Variants in POLR2J observed in about 807,000 individuals in gnomAD.
POLR2J encodes the protein RNA polymerase II subunit J.
POLR2J carries 12 observed loss-of-function variants against 13.4 expected under a neutral mutation model. The ratio of observed to expected loss-of-function variants is 0.90; its 90% confidence interval spans 0.57 to 1.45. The LOEUF (loss-of-function observed/expected upper bound fraction) is 1.45, where lower values mean the gene tolerates loss of function less well. Among genes scored for constraint, POLR2J ranks in the 40% most tolerant of loss-of-function variants. POLR2J has a pLI of 0.00. For synonymous variants in POLR2J, 31 were observed against 53.6 expected, an observed-to-expected ratio of 0.58 and a Z score of 1.84; for missense variants, 58 against 132.0, an observed-to-expected ratio of 0.44 and a Z score of 2.75.
intron 3 of POLR2J, 62 bp from the exon 4 acceptor site, chr7:102,473,746 A>ACCTGCCCAGGCCCCCTCACCTG: frequency 6.2e-7 from 1 of 1,608,108 alleles, no homozygotes; most frequent in Non-Finnish European, 8.5e-7. Flanking sequence ...CGCTGGAAAC[A>ACCTGCCCAGGCCCCCTCACCTG]CATGCCCAGC....
intron 3 of POLR2J, 155 bp downstream of exon 3, chr7:102,474,206 A>T (rs1368649261): frequency 3.9e-6 from 6 of 1,553,100 alleles, no homozygotes; most frequent in East Asian, 2.4e-5. Flanking sequence ...CCCTCAGTCC[A>T]CATGTCCTGG....
intron 3 of POLR2J, chr7:102,473,937 A>C: frequency 1.2e-5 from 17 of 1,434,152 alleles, no homozygotes; most frequent in Non-Finnish European, 1.5e-5. Context: ...AAATCCCCCA[A>C]GCTGTGGCTC....
rs1323758927 is a variant in POLR2J, at chr7:102,478,870, G to A, written c.-10C>T. 1.4e-5 allele frequency: 22 copies of A among 1,610,506 alleles called. No homozygotes were observed. Among genetic ancestry groups the A allele is most frequent in the South Asian group, 5.5e-5 (5 of 90,996 alleles). Reference sequence around the variant, plus strand: ...CTGGAGGGGCGTTCATGCTCCCGCCGCCGTTGCGTCCAGACCCCAAGGGTC... The same window carrying A: ...CTGGAGGGGCGTTCATGCTCCCGCCACCGTTGCGTCCAGACCCCAAGGGTC... On this transcript the variant is annotated 5_prime_UTR_variant, in exon 1 of 4. Transcript: ENST00000292614.
At chr7:102,473,739 T>G (rs1316757067) in intron 3 of POLR2J, 55 bp from the exon 4 acceptor site, 26 of 1,610,072 alleles carry the variant, frequency 1.6e-5, no homozygotes, top group Non-Finnish European at 2.2e-5. Flanking sequence ...GCAAGGACGC[T>G]GGAAACACAT....
Position 102,473,529 on chromosome 7 carries a change from G to C in POLR2J, c.*120C>G. 6.8e-7 allele frequency: 1 copy of C among 1,466,926 alleles called. No individual in the cohort carries two copies. The highest frequency in any genetic ancestry group is 9.2e-7 in the Non-Finnish European group (1 of 1,084,456). The allele number at this position is 1,466,926 out of a possible 1,614,324, so 90.9% of individuals were successfully genotyped here. ...AGGACACGTCGGTGTCAGGGTGAGG[G>C]GTGGCCACAAGGCGGGCCATGGCTG... On this transcript the variant is annotated 3_prime_UTR_variant, in exon 4 of 4. Coordinates refer to ENST00000292614, the MANE Select transcript of POLR2J (RefSeq NM_006234.6).
intron 1 of POLR2J, among the ~76,000 whole-genome samples, chr7:102,478,601 C>A (rs997912070): frequency 9.9e-5 from 15 of 151,248 alleles, no homozygotes; most frequent in African/African-American, 3.6e-4. Flanking sequence ...GCAACTTGCT[C>A]GCCTCCAAGC....
chr7:102,473,838 G>C, intron 3 of POLR2J, 154 bp from the exon 4 acceptor site: 2 of 1,455,794 alleles, frequency 1.4e-6, no homozygotes, highest in South Asian at 1.4e-5. Flanking sequence ...GGCCCTCCCA[G>C]CTGGCCCAAT....
chr7:102,473,144 T>G lies in POLR2J; in HGVS notation c.*505A>C. The G allele has an allele frequency of 9.7e-6, 13 of 1,339,320 alleles. No homozygotes were observed. The highest frequency in any genetic ancestry group is 1.2e-5 in the Non-Finnish European group (12 of 978,946). The allele number at this position is 1,339,320 out of a possible 1,614,324, so 83.0% of individuals were successfully genotyped here. ...GGGGGGGTCTTTCAGTGAATATTTT[T>G]ATTAAACTCTACTGTGGACAAGAAG... On this transcript the variant is annotated 3_prime_UTR_variant, in exon 4 of 4. Coordinates refer to ENST00000292614, the MANE Select transcript of POLR2J (RefSeq NM_006234.6).
Position 102,473,272 on chromosome 7 carries a change from T to C in POLR2J, c.*377A>G, listed in dbSNP as rs776222803. ...TTCTAGAGCAGAGACTCTTGGGAGC[T>C]CATGGGTTTGCACACTTCTCTCCGG... On this transcript the variant is annotated 3_prime_UTR_variant, in exon 4 of 4. Coordinates refer to ENST00000292614, the MANE Select transcript of POLR2J (RefSeq NM_006234.6). The C allele has an allele frequency of 1.6e-5, 10 of 622,838 alleles. No homozygotes were observed. The highest frequency in any genetic ancestry group is 2.7e-5 in the Non-Finnish European group (10 of 368,926). The allele number at this position is 622,838 out of a possible 1,614,324, so 38.6% of individuals were successfully genotyped here.
At chr7:102,473,772 C>T in intron 3 of POLR2J, 88 bp from the exon 4 acceptor site, 2 of 1,577,838 alleles carry the variant, frequency 1.3e-6, no homozygotes, top group Non-Finnish European at 1.7e-6. Context: ...CCCCGCCAGG[C>T]CCTTCCTGGA....
chr7:102,478,605 T>C (rs62483813), intron 1 of POLR2J, among the ~76,000 whole-genome samples: 77,646 of 148,366 alleles, frequency 0.52, 21,180 homozygotes, highest in Middle Eastern at 0.64. Context: ...CTTGCTCGCC[T>C]CCAAGCCTCA....
intron 2 of POLR2J, 52 bp downstream of exon 2, chr7:102,476,129 C>T (rs1586751231): frequency 1.2e-6 from 1 of 829,886 alleles, no homozygotes; most frequent in East Asian, 3.3e-5. Flanking sequence ...TGTGCTTTGC[C>T]CAGGGGGGCC....
At position 102,478,904 on chromosome 7, in the gene POLR2J, C is replaced by A. The variant is rs755595777; in HGVS notation, c.-44G>T. ...TCCAGACCCCAAGGGTCCGCCGCCG[C>A]CGCCACCAGAGCCCTAATAAGAGGC... On this transcript the variant is annotated 5_prime_UTR_variant, in exon 1 of 4. Coordinates refer to ENST00000292614, the MANE Select transcript of POLR2J (RefSeq NM_006234.6). 1 of 1,607,770 alleles carries A rather than the reference C, an allele frequency of 6.2e-7. No individual in the cohort carries two copies. The highest frequency in any genetic ancestry group is 8.5e-7 in the Non-Finnish European group (1 of 1,178,470).
At position 102,473,171 on chromosome 7, in the gene POLR2J, C is replaced by CTGTGGAAAG. The variant is rs1798278033; in HGVS notation, c.*469_*477dup. 4 of 1,187,064 alleles carry CTGTGGAAAG rather than the reference C, an allele frequency of 3.4e-6. No individual in the cohort carries two copies. The East Asian group carries it at 9.8e-5, about 29-fold the overall frequency. 73.5% of individuals were successfully genotyped at this position (1,187,064 alleles called of 1,614,324 possible). On this transcript the variant is annotated 3_prime_UTR_variant, in exon 4 of 4. Coordinates refer to ENST00000292614, the MANE Select transcript of POLR2J (RefSeq NM_006234.6). ...TTAAACTCTACTGTGGACAAGAAGC[C>CTGTGGAAAG]TGTGGAAAGGTGTTTCGAGTTATGC...
At position 102,473,547 on chromosome 7, in the gene POLR2J, CA is replaced by C. The variant is rs1563660751; in HGVS notation, c.*101del. ...GGTGAGGGGTGGCCACAAGGCGGGC[CA>C]TGGCTGGGACCGGCCGCTCTCCTCG... On this transcript the variant is annotated 3_prime_UTR_variant, in exon 4 of 4. Coordinates refer to ENST00000292614, the MANE Select transcript of POLR2J (RefSeq NM_006234.6). 2.1e-5 allele frequency: 25 copies of C among 1,181,166 alleles called. No individual in the cohort carries two copies. Among genetic ancestry groups the C allele is most frequent in the Non-Finnish European group, 2.5e-5 (23 of 930,260 alleles). The allele number at this position is 1,181,166 out of a possible 1,614,324, so 73.2% of individuals were successfully genotyped here. A position where few individuals can be genotyped will look rare whatever the true frequency, so the allele number is the denominator to read the frequency against.
At chr7:102,474,090 G>C in intron 3 of POLR2J, 1 of 1,465,710 alleles carries the variant, frequency 6.8e-7, no homozygotes, top group Non-Finnish European at 9.0e-7. Flanking sequence ...CACCCCCAAA[G>C]GACAGTAGGT....
intron 3 of POLR2J, 91 bp from the exon 4 acceptor site, chr7:102,473,775 T>G: frequency 6.4e-7 from 1 of 1,573,404 alleles, no homozygotes; most frequent in Non-Finnish European, 8.6e-7. Flanking sequence ...CGCCAGGCCC[T>G]TCCTGGAGGG....
In POLR2J at chr7:102,478,349, TC is replaced by T. The variant is rs1224156788; in HGVS notation, c.53+458del. Among the ~76,000 whole-genome samples the T allele has an allele frequency of 3.0e-5, 3 of 100,372 alleles. No individual in the cohort carries two copies. The East Asian group carries it at 8.2e-4, about 28-fold the overall frequency. 65.8% of individuals were successfully genotyped at this position (100,372 alleles called of 152,430 possible). A position where few individuals can be genotyped will look rare whatever the true frequency, so the allele number is the denominator to read the frequency against. ...ATGAGGAAACAGGGCCTCCGACAGA[TC>T]AAGCCACTCGCCCACAGATACAGAG... On this transcript the variant is annotated intron_variant, in intron 1 of 3. Transcript: ENST00000292614.
intron 3 of POLR2J, 67 bp from the exon 4 acceptor site, chr7:102,473,751 C>A: frequency 1.2e-6 from 2 of 1,601,572 alleles, no homozygotes; most frequent in Non-Finnish European, 8.5e-7. Flanking sequence ...GAAACACATG[C>A]CCAGCATCCC....
Sources: gnomAD v4.1 joint callset for allele counts (sites outside exome capture counted in the v4.1 genomes callset) on GRCh38, gnomAD v4.1.1 for gene constraint, MANE v1.5 for transcripts, NCBI Gene and HGNC (gene_info 2026-07-23, HGNC 2026-07-21) for gene names.